Variants in KIAA1217 observed in about 807,000 individuals in gnomAD.
The protein encoded by KIAA1217 is KIAA1217, also known as sickle tail protein homolog.
Under a neutral mutation model 163.9 loss-of-function variants are expected in KIAA1217, and 88 were observed. The ratio of observed to expected loss-of-function variants is 0.54; its 90% CI spans 0.45 to 0.64. KIAA1217 has a LOEUF of 0.64. KIAA1217 is among the 30% of genes least tolerant of loss of function. The probability of loss-of-function intolerance (pLI) is 0.00; values close to 1 mark genes in which losing one functional copy is unlikely to be tolerated. For missense variants in KIAA1217, 2,372 were observed against 2,475.0 expected, an observed-to-expected ratio of 0.96 and a Z score of 0.88; for synonymous variants, 903 against 923.1, an observed-to-expected ratio of 0.98 and a Z score of 0.39.
chr10:24,167,191 C>T (rs2065391495), intron 2 of KIAA1217, among the ~76,000 whole-genome samples: 1 of 68,492 alleles, frequency 1.5e-5, no homozygotes, highest in Non-Finnish European at 3.4e-5. Flanking sequence ...TAGGTTCTCT[C>T]CTTTTCAAAT....
intron 1 of KIAA1217, among the ~76,000 whole-genome samples, chr10:23,880,238 A>G (rs1307309182): frequency 6.6e-6 from 1 of 151,980 alleles, no homozygotes; most frequent in East Asian, 1.9e-4. Context: ...AAAATGTGGT[A>G]TGTACACACA....
chr10:24,132,520 C>T (rs760837649), intron 2 of KIAA1217, among the ~76,000 whole-genome samples: 19 of 152,178 alleles, frequency 1.2e-4, no homozygotes, highest in South Asian at 2.1e-4. Context: ...CTCTGCCCTC[C>T]GGCAGGACCC....
At chr10:23,980,849 G>A (rs1845734996) in intron 1 of KIAA1217, among the ~76,000 whole-genome samples, 1 of 152,100 alleles carries the variant, frequency 6.6e-6, no homozygotes, top group Non-Finnish European at 1.5e-5. Context: ...CTTCTCATCT[G>A]TAGCTATCTC....
chr10:24,065,005 T>C (rs2060882541), intron 2 of KIAA1217, among the ~76,000 whole-genome samples: 1 of 152,242 alleles, frequency 6.6e-6, no homozygotes, highest in Non-Finnish European at 1.5e-5. Flanking sequence ...TGTCATTTTT[T>C]ATTGCGTCTA....
chr10:23,966,709 G>A (rs1291134103), intron 1 of KIAA1217, among the ~76,000 whole-genome samples: 1 of 152,200 alleles, frequency 6.6e-6, no homozygotes, highest in African/African-American at 2.4e-5. Context: ...GAAGAAGACT[G>A]GAGATTATAG....
chr10:24,116,152 A>C (rs936788900), intron 2 of KIAA1217, among the ~76,000 whole-genome samples: 1 of 151,214 alleles, frequency 6.6e-6, no homozygotes. Flanking sequence ...TGGGGGTTCT[A>C]CCCCCACCCC....
chr10:23,744,669 A>G (rs1388933948), intron 1 of KIAA1217, among the ~76,000 whole-genome samples: 7 of 152,234 alleles, frequency 4.6e-5, no homozygotes, highest in Non-Finnish European at 1.0e-4. Flanking sequence ...CTTAGTTATT[A>G]AAAGCATTTA....
At chr10:24,022,827 T>A (rs560281166) in intron 2 of KIAA1217, among the ~76,000 whole-genome samples, 10 of 150,878 alleles carry the variant, frequency 6.6e-5, no homozygotes, top group Non-Finnish European at 1.2e-4. Flanking sequence ...ATTATGACTA[T>A]CCCAAAAGAT....
chr10:23,967,028 A>G (rs1453914043), intron 1 of KIAA1217, among the ~76,000 whole-genome samples: 1 of 117,210 alleles, frequency 8.5e-6, no homozygotes, highest in South Asian at 2.3e-4. Context: ...TACAATCAGT[A>G]TTAATAAATA....
At chr10:24,313,734 A>G (rs2043001577) in intron 2 of KIAA1217, among the ~76,000 whole-genome samples, 1 of 151,278 alleles carries the variant, frequency 6.6e-6, no homozygotes, top group Non-Finnish European at 1.5e-5. Context: ...TGATCCTTTG[A>G]TTGAATGTTT....
At chr10:23,997,401 AT>A in intron 1 of KIAA1217, among the ~76,000 whole-genome samples, 1 of 152,126 alleles carries the variant, frequency 6.6e-6, no homozygotes, top group East Asian at 1.9e-4. Context: ...TTCGCTAATC[AT>A]TTTTCCTAAT....
chr10:23,895,131 A>G (rs1403017717), intron 1 of KIAA1217, among the ~76,000 whole-genome samples: 1 of 152,108 alleles, frequency 6.6e-6, no homozygotes, highest in Non-Finnish European at 1.5e-5. Flanking sequence ...AAAAGACAAA[A>G]TTGACAAATG....
chr10:24,543,365 T>C lies in KIAA1217; in HGVS notation c.4095T>C (p.Asp1365=), dbSNP rs894446535. 8.7e-6 allele frequency: 14 copies of C among 1,614,020 alleles called. No individual in the cohort carries two copies. Among genetic ancestry groups the C allele is most frequent in the Non-Finnish European group, 1.2e-5 (14 of 1,180,028 alleles). ...ATGCTAACGTGAACCCTAATGAGGA[T>C]GGAGAATCAAGTTCAAGTTCTCCCA... ...ARHANVNPNE[D]GESSSSSPTE... Residue 1365 remains aspartate (D), a synonymous_variant, in exon 19 of 21, where the codon GAT becomes GAC. Transcript: ENST00000376454.
intron 2 of KIAA1217, chr10:24,255,342 G>A: frequency 3.4e-6 from 1 of 291,958 alleles, no homozygotes; most frequent in Non-Finnish European, 6.8e-6. Context: ...TTCAAATCCT[G>A]AGCGGCTGAC....
intron 6 of KIAA1217, among the ~76,000 whole-genome samples, chr10:24,488,933 C>T (rs2065749542): frequency 6.6e-6 from 1 of 152,166 alleles, no homozygotes; most frequent in Non-Finnish European, 1.5e-5. Context: ...GGATGCAGTG[C>T]CTCTGCTGTG....
At position 24,452,412 on chromosome 10, in the gene KIAA1217, G is replaced by A. The variant is rs552166554; in HGVS notation, c.846+13933G>A. On this transcript the variant is annotated intron_variant, in intron 5 of 20. Coordinates refer to ENST00000376454, the MANE Select transcript of KIAA1217 (RefSeq NM_019590.5). Reference sequence around the variant, plus strand: ...GAGACGGCCGGGCACGGTGGTTCACGCCTGTATTTCCAGCACTTTGGGAGG... The same window carrying A: ...GAGACGGCCGGGCACGGTGGTTCACACCTGTATTTCCAGCACTTTGGGAGG... Among the ~76,000 whole-genome samples, 4 of 151,918 alleles carry A rather than the reference G, an allele frequency of 2.6e-5. No homozygotes were observed. In the South Asian group the frequency reaches 6.2e-4, roughly 24 times the overall value.
intron 2 of KIAA1217, among the ~76,000 whole-genome samples, chr10:24,138,784 C>T (rs1448717953): frequency 1.3e-5 from 2 of 152,138 alleles, no homozygotes; most frequent in African/African-American, 4.8e-5. Context: ...CACACACATC[C>T]TGAACCCAGT....
intron 1 of KIAA1217, among the ~76,000 whole-genome samples, chr10:23,840,156 GCTT>G (rs1166507234): frequency 1.3e-5 from 2 of 149,352 alleles, no homozygotes; most frequent in African/African-American, 5.1e-5. Context: ...TTGTAATTAC[GCTT>G]CTTTTTTTTT....
rs755555670 is a variant in KIAA1217, at chr10:24,546,046, T to G, written c.5554T>G (p.Ser1852Ala). The G allele has an allele frequency of 6.2e-7, 1 of 1,614,188 alleles. No homozygotes were observed. Among genetic ancestry groups the G allele is most frequent in the Non-Finnish European group, 8.5e-7 (1 of 1,180,030 alleles). ...PQTGPPAHSA[S>A]LIPSVSNGSL... ...AACAGGACCACCTGCTCACTCTGCC[T>G]CCCTCATCCCTTCTGTCTCTAATGG... is the stretch of plus-strand genomic sequence containing the variant. The change falls in exon 21 of 21, where the codon TCC becomes GCC. Residue 1852 changes from serine (S) to alanine (A), a missense_variant. Ser to Ala is a moderately conservative substitution (Grantham distance 99). Coordinates refer to ENST00000376454, the MANE Select transcript of KIAA1217 (RefSeq NM_019590.5).
Sources: gnomAD v4.1 joint callset for allele counts (sites outside exome capture counted in the v4.1 genomes callset) on GRCh38, gnomAD v4.1.1 for gene constraint, MANE v1.5 for transcripts, NCBI Gene and HGNC (gene_info 2026-07-23, HGNC 2026-07-21) for gene names.